C12orf42: variants seen among roughly 807,000 people sequenced by gnomAD.
The protein encoded by C12orf42 is chromosome 12 open reading frame 42.
A neutral mutation model predicts 21.6 loss-of-function variants in C12orf42; 25 were observed. That is an observed-to-expected ratio of 1.16 (90% CI 0.84 to 1.62). C12orf42 has a LOEUF of 1.62. Ranked by LOEUF, C12orf42 falls within the 40% of genes most tolerant of loss-of-function variation. The probability of loss-of-function intolerance (pLI) is 0.00; values close to 1 mark genes in which losing one functional copy is unlikely to be tolerated. For missense variants in C12orf42, 483 were observed against 459.3 expected (o/e 1.05, Z -0.47); for synonymous variants, 174 against 175.0 (o/e 0.99, Z 0.05).
At chr12:103,345,291 T>C (rs1260632257) in intron 4 of C12orf42, among the ~76,000 whole-genome samples, 4 of 152,204 alleles carry the variant, frequency 2.6e-5, no homozygotes, top group African/African-American at 4.8e-5. Flanking sequence ...AAAATGCAGA[T>C]AATAATAGGA....
chr12:103,155,557 C>T, the C12orf42 span, among the ~76,000 whole-genome samples: 1 of 152,180 alleles, frequency 6.6e-6, no homozygotes, highest in Admixed American at 6.5e-5. Flanking sequence ...CTCTCTCTCC[C>T]AGAGAGCACA....
chr12:103,529,491 C>T, the C12orf42 span, among the ~76,000 whole-genome samples: 5 of 152,260 alleles, frequency 3.3e-5, no homozygotes, highest in South Asian at 2.1e-4. Flanking sequence ...TCAGGATACC[C>T]GTTGCCACAT....
At chr12:103,327,101 G>A (rs1340116262) in intron 4 of C12orf42, among the ~76,000 whole-genome samples, 1 of 152,190 alleles carries the variant, frequency 6.6e-6, no homozygotes, top group African/African-American at 2.4e-5. Flanking sequence ...CGAGGTAGGG[G>A]CACAGCAGTT....
At chr12:103,089,486 T>C in the C12orf42 span, among the ~76,000 whole-genome samples, 13 of 152,204 alleles carry the variant, frequency 8.5e-5, no homozygotes, top group African/African-American at 1.2e-4. Flanking sequence ...TGATTCATAC[T>C]GGCCCGTAAG....
chr12:103,518,453 T>C, the C12orf42 span, among the ~76,000 whole-genome samples: 1 of 152,146 alleles, frequency 6.6e-6, no homozygotes, highest in Non-Finnish European at 1.5e-5. Context: ...GCCCCCGCCA[T>C]GCCCAGAAGA....
At chr12:103,106,505 C>A in the C12orf42 span, among the ~76,000 whole-genome samples, 1 of 151,622 alleles carries the variant, frequency 6.6e-6, no homozygotes, top group Non-Finnish European at 1.5e-5. Context: ...TTTTAGACAA[C>A]CATAACATTA....
the C12orf42 span, among the ~76,000 whole-genome samples, chr12:103,536,778 G>T: frequency 6.6e-6 from 1 of 152,098 alleles, no homozygotes; most frequent in Non-Finnish European, 1.5e-5. Context: ...GAGTGCCCAG[G>T]TGACTCCCCA....
chr12:103,324,860 T>A (rs2040521658), intron 4 of C12orf42, among the ~76,000 whole-genome samples: 1 of 152,178 alleles, frequency 6.6e-6, no homozygotes, highest in Non-Finnish European at 1.5e-5. Flanking sequence ...CTCATTCCAA[T>A]GACCTAACAT....
the C12orf42 span, among the ~76,000 whole-genome samples, chr12:103,205,914 A>T: frequency 6.6e-6 from 1 of 152,218 alleles, no homozygotes; most frequent in Non-Finnish European, 1.5e-5. Flanking sequence ...TAAAAAGTAT[A>T]TAAAAGAAGG....
intron 2 of C12orf42, among the ~76,000 whole-genome samples, chr12:103,407,719 C>G (rs933050465): frequency 6.6e-6 from 1 of 152,160 alleles, no homozygotes; most frequent in African/African-American, 2.4e-5. Flanking sequence ...AGGGCAACCG[C>G]ACCCCAACCT....
chr12:103,063,788 G>T, the C12orf42 span, among the ~76,000 whole-genome samples: 1 of 152,120 alleles, frequency 6.6e-6, no homozygotes, highest in Non-Finnish European at 1.5e-5. Flanking sequence ...ATAAAGTACT[G>T]CTTGAGTTTT....
the C12orf42 span, among the ~76,000 whole-genome samples, chr12:103,112,647 T>A: frequency 7.2e-5 from 11 of 152,046 alleles, no homozygotes; most frequent in East Asian, 2.1e-3. Flanking sequence ...GGCAACAGAG[T>A]GAGATTCTGT....
the C12orf42 span, among the ~76,000 whole-genome samples, chr12:103,220,670 C>T: frequency 0.076 from 11,316 of 149,832 alleles, 517 homozygotes; most frequent in East Asian, 0.17. Flanking sequence ...CATCTTTTGA[C>T]GACCATTGCT....
the C12orf42 span, among the ~76,000 whole-genome samples, chr12:103,134,562 G>A: frequency 1.3e-5 from 2 of 151,332 alleles, no homozygotes; most frequent in African/African-American, 4.9e-5. Flanking sequence ...AGCTCAGTCA[G>A]ACAAAAATAA....
At chr12:103,240,115 T>C (rs1330808447) in intron 10 of C12orf42, among the ~76,000 whole-genome samples, 1 of 152,180 alleles carries the variant, frequency 6.6e-6, no homozygotes, top group Non-Finnish European at 1.5e-5. Flanking sequence ...ATTATTACTA[T>C]CATATAATAA....
At chr12:103,372,038 A>G (rs1405574924) in intron 3 of C12orf42, among the ~76,000 whole-genome samples, 1 of 152,134 alleles carries the variant, frequency 6.6e-6, no homozygotes, top group Non-Finnish European at 1.5e-5. Context: ...AGCCAGCAAT[A>G]TAAGTGTCCA....
At position 103,415,119 on chromosome 12, in the gene C12orf42, G is replaced by T. The variant is rs538977766; in HGVS notation, c.79-13444C>A. On this transcript the variant is annotated intron_variant, in intron 2 of 5. Transcript: ENST00000548883. ...CAACAACAAAAAAAGAGTAGAGACA[G>T]CTATTCTTATATTAGGAAAAAAAAA... Among the ~76,000 whole-genome samples the T allele has an allele frequency of 1.6e-4, 25 of 151,848 alleles. No individual in the cohort carries two copies. In the South Asian group the frequency reaches 5.2e-3, roughly 32 times the overall value.
At chr12:103,384,353 G>C (rs554779627) in intron 3 of C12orf42, among the ~76,000 whole-genome samples, 2 of 152,272 alleles carry the variant, frequency 1.3e-5, no homozygotes, top group African/African-American at 4.8e-5. Flanking sequence ...TGAGTTTAAA[G>C]CCCAGCATTC....
chr12:103,337,231 T>G (rs1365389911), intron 4 of C12orf42, among the ~76,000 whole-genome samples: 1 of 152,246 alleles, frequency 6.6e-6, no homozygotes. Context: ...TGCCCCTTTG[T>G]GCACAGCTGA....
Sources: allele counts gnomAD v4.1 joint callset (sites outside exome capture counted in the v4.1 genomes callset), GRCh38; gene constraint gnomAD v4.1.1; transcripts MANE v1.5; gene names NCBI Gene and HGNC (gene_info 2026-07-23, HGNC 2026-07-21).